Variants in GPHN observed in about 807,000 individuals in gnomAD.
GPHN encodes the protein gephyrin.
GPHN carries 17 observed loss-of-function variants against 95.5 expected under a neutral mutation model. The ratio of observed to expected loss-of-function variants is 0.18; its 90% CI spans 0.12 to 0.27. The LOEUF (loss-of-function observed/expected upper bound fraction) is 0.27, where lower values mean the gene tolerates loss of function less well. Among genes scored for constraint, GPHN ranks in the 10% least tolerant of loss-of-function variants. The pLI is 1.00. For missense variants in GPHN, 660 were observed against 978.1 expected, an observed-to-expected ratio of 0.67 and a Z score of 4.34; for synonymous variants, 320 against 322.5, an observed-to-expected ratio of 0.99 and a Z score of 0.08.
chr14:67,203,343 G>T, the GPHN span: 1 of 1,430,886 alleles, frequency 7.0e-7, no homozygotes, highest in Non-Finnish European at 9.4e-7. Flanking sequence ...ATGTGCATTA[G>T]CCCTGTGGAT....
At chr14:67,343,420 C>G in the GPHN span, 1 of 1,609,118 alleles carries the variant, frequency 6.2e-7, no homozygotes, top group Non-Finnish European at 8.5e-7. Context: ...ATAGCTTCAT[C>G]CAAAGTAACA....
chr14:67,555,372 A>C, the GPHN span, among the ~76,000 whole-genome samples: 33 of 152,280 alleles, frequency 2.2e-4, no homozygotes, highest in African/African-American at 7.7e-4. Context: ...CCAACCAGTG[A>C]GATATTCTGA....
downstream of GPHN, among the ~76,000 whole-genome samples, chr14:67,182,984 TAC>T (rs2083344886): frequency 6.6e-6 from 1 of 152,120 alleles, no homozygotes; most frequent in African/African-American, 2.4e-5. Context: ...GTGCTGGAAT[TAC>T]AGTTGTGAGA....
At chr14:67,256,623 T>C in the GPHN span, among the ~76,000 whole-genome samples, 1 of 152,108 alleles carries the variant, frequency 6.6e-6, no homozygotes, top group Non-Finnish European at 1.5e-5. Flanking sequence ...TCTTGGCTCA[T>C]TGCAACCTTA....
intron 2 of GPHN, among the ~76,000 whole-genome samples, chr14:66,691,082 C>A (rs1359213624): frequency 6.6e-6 from 1 of 152,112 alleles, no homozygotes; most frequent in East Asian, 1.9e-4. Flanking sequence ...TGGCTCACAC[C>A]TATAATCCTG....
chr14:66,721,845 G>A (rs2070767775), intron 2 of GPHN, among the ~76,000 whole-genome samples: 1 of 151,584 alleles, frequency 6.6e-6, no homozygotes, highest in African/African-American at 2.4e-5. Context: ...CAGCTACTCG[G>A]GAGGCTGAGG....
At chr14:66,825,467 C>CTGAT (rs2061355277) in intron 4 of GPHN, among the ~76,000 whole-genome samples, 1 of 152,040 alleles carries the variant, frequency 6.6e-6, no homozygotes, top group African/African-American at 2.4e-5. Flanking sequence ...AAACGTTAGC[C>CTGAT]TGCATCAGAA....
intron 2 of GPHN, among the ~76,000 whole-genome samples, chr14:66,730,447 A>G (rs1237502586): frequency 6.6e-6 from 1 of 152,210 alleles, no homozygotes; most frequent in Non-Finnish European, 1.5e-5. Flanking sequence ...GGGAAAATCC[A>G]GTATCTTTAT....
At chr14:67,322,843 CGT>C in the GPHN span, among the ~76,000 whole-genome samples, 2 of 152,160 alleles carry the variant, frequency 1.3e-5, no homozygotes, top group Non-Finnish European at 2.9e-5. Flanking sequence ...TTTGATAGAG[CGT>C]GTCAGTTTGA....
At chr14:66,884,371 A>G (rs1384114902) in intron 5 of GPHN, among the ~76,000 whole-genome samples, 1 of 152,080 alleles carries the variant, frequency 6.6e-6, no homozygotes, top group Non-Finnish European at 1.5e-5. Flanking sequence ...GAGAGAAGCT[A>G]TGGTTACTTT....
chr14:66,850,476 G>A lies in GPHN; in HGVS notation c.294+25910G>A, dbSNP rs560047493. Among the ~76,000 whole-genome samples the A allele has an allele frequency of 2.0e-3, 311 of 152,146 alleles. 3 individuals are homozygous for A. The highest frequency in any genetic ancestry group is 6.3e-4 in the Non-Finnish European group (43 of 67,986). ...AATATGCAAACCATTTCAGAACCCA[G>A]AGATTTTTGGTGAGTGAATTAACAT... is the stretch of plus-strand genomic sequence containing the variant. On this transcript the variant is annotated intron_variant, in intron 4 of 22. Coordinates refer to ENST00000478722, the MANE Select transcript of GPHN (RefSeq NM_020806.5).
At chr14:67,376,349 G>A in the GPHN span, 1 of 1,257,334 alleles carries the variant, frequency 8.0e-7, no homozygotes, top group Non-Finnish European at 1.1e-6. Context: ...AGGAATTATT[G>A]TAGCCAAATT....
intron 12 of GPHN, among the ~76,000 whole-genome samples, chr14:67,097,571 A>G (rs944894050): frequency 1.3e-5 from 2 of 151,600 alleles, no homozygotes; most frequent in Admixed American, 6.6e-5. Flanking sequence ...ATACCTGCAC[A>G]CACACACCCC....
chr14:67,095,963 A>C (rs1329576648), intron 12 of GPHN, among the ~76,000 whole-genome samples: 1 of 116,500 alleles, frequency 8.6e-6, no homozygotes, highest in Non-Finnish European at 1.6e-5. Context: ...GAAAAGAAAA[A>C]GGCAAAAAAA....
chr14:67,576,533 G>T, the GPHN span: 4 of 1,098,390 alleles, frequency 3.6e-6, no homozygotes, highest in Non-Finnish European at 5.6e-6. The surrounding 1 kb of genome is among the most constrained non-coding windows in gnomAD (Gnocchi z 4.0). Flanking sequence ...CACTGCTTGG[G>T]TTGGAGGGTA....
At chr14:66,773,178 G>A (rs2059245466) in intron 2 of GPHN, among the ~76,000 whole-genome samples, 1 of 152,148 alleles carries the variant, frequency 6.6e-6, no homozygotes, top group South Asian at 2.1e-4. Context: ...CCCATGAAGT[G>A]TATGTCAGGA....
chr14:67,268,635 CGGCACTG>C, the GPHN span, among the ~76,000 whole-genome samples: 1 of 152,196 alleles, frequency 6.6e-6, no homozygotes, highest in Non-Finnish European at 1.5e-5. Context: ...TAAACTGTCA[CGGCACTG>C]GCAGGAGCGT....
the GPHN span, chr14:67,381,543 T>G: frequency 1.7e-4 from 247 of 1,448,176 alleles, no homozygotes; most frequent in Non-Finnish European, 2.3e-4. Flanking sequence ...CTTTAAACTT[T>G]TAAATATTTT....
the GPHN span, chr14:67,616,449 G>A: frequency 4.5e-5 from 7 of 156,058 alleles, no homozygotes; most frequent in Admixed American, 6.7e-5. Context: ...TGAAATAATT[G>A]TTGTTCTGTT....
Sources: allele counts gnomAD v4.1 joint callset (sites outside exome capture counted in the v4.1 genomes callset), GRCh38; gene constraint gnomAD v4.1.1; non-coding constraint Gnocchi (gnomAD v3.1); transcripts MANE v1.5; gene names NCBI Gene and HGNC (gene_info 2026-07-23, HGNC 2026-07-21).